The following PLCXD3 variants were observed in gnomAD, a reference collection of about 807,000 sequenced individuals.
PLCXD3 encodes the protein phosphatidylinositol specific phospholipase C X domain containing 3, also known as PI-PLC X domain-containing protein 3.
A neutral mutation model predicts 25.5 loss-of-function variants in PLCXD3; 19 were observed. The ratio of observed to expected loss-of-function variants is 0.75; its 90% CI spans 0.52 to 1.09. The LOEUF (loss-of-function observed/expected upper bound fraction) is 1.09, where lower values mean the gene tolerates loss of function less well. Ranked by LOEUF, PLCXD3 falls within the 50% of genes least tolerant of loss-of-function variation. The probability of loss-of-function intolerance (pLI) is 0.00; values close to 1 mark genes in which losing one functional copy is unlikely to be tolerated. For synonymous variants in PLCXD3, 174 were observed against 137.6 expected (o/e 1.26, Z -1.85); for missense variants, 411 against 388.1 (o/e 1.06, Z -0.50).
intron 1 of PLCXD3, among the ~76,000 whole-genome samples, chr5:41,491,835 C>T (rs952269175): frequency 1.3e-5 from 2 of 152,096 alleles, no homozygotes; most frequent in African/African-American, 2.4e-5. Flanking sequence ...TGTCTCTGCA[C>T]ATGAGATGGG....
Position 41,387,293 on chromosome 5 carries a change from AC to A in PLCXD3, c.104-4760del, listed in dbSNP as rs563927467. On this transcript the variant is annotated intron_variant, in intron 1 of 2. Transcript: ENST00000377801. ...AAAAGAGATCGCAGTCTTGGTCAGCACTCTGATTTCTGATTCTAGCATGATC... is the reference window on the plus strand; with the variant it reads ...AAAAGAGATCGCAGTCTTGGTCAGCATCTGATTTCTGATTCTAGCATGATC... 8.7e-3 allele frequency among the ~76,000 whole-genome samples: 1,322 copies of A among 152,152 alleles called. 6 individuals carry two copies. Among genetic ancestry groups the A allele is most frequent in the Non-Finnish European group, 0.015 (1,013 of 67,990 alleles).
chr5:41,462,800 A>G (rs935059691), intron 1 of PLCXD3, among the ~76,000 whole-genome samples: 1 of 151,932 alleles, frequency 6.6e-6, no homozygotes, highest in Non-Finnish European at 1.5e-5. Flanking sequence ...GAAAAAAAAA[A>G]GAAAAAGAAA....
At chr5:41,430,086 G>A (rs949188152) in intron 1 of PLCXD3, among the ~76,000 whole-genome samples, 10 of 152,128 alleles carry the variant, frequency 6.6e-5, no homozygotes, top group African/African-American at 2.2e-4. Flanking sequence ...TGCTAGATGT[G>A]CAAGCTTGAA....
chr5:41,510,392 G>C (rs780370854), intron 1 of PLCXD3, 32 bp downstream of exon 1: 8 of 1,563,842 alleles, frequency 5.1e-6, no homozygotes, highest in Non-Finnish European at 7.0e-6. Flanking sequence ...AGCGGGCGCC[G>C]AGCGCCTAGC....
At chr5:41,422,957 A>G (rs78198627) in intron 1 of PLCXD3, among the ~76,000 whole-genome samples, 117 of 152,276 alleles carry the variant, frequency 7.7e-4, no homozygotes, top group Non-Finnish European at 1.4e-3. Flanking sequence ...ATACTTTATC[A>G]GCTTAAGGAA....
chr5:41,380,751 C>G (rs1745434034), intron 2 of PLCXD3, among the ~76,000 whole-genome samples: 1 of 152,098 alleles, frequency 6.6e-6, no homozygotes, highest in African/African-American at 2.4e-5. Flanking sequence ...TTCGAAATGT[C>G]AGTGAAAGAT....
chr5:41,382,204 T>C lies in PLCXD3; in HGVS notation c.434A>G (p.Asn145Ser), dbSNP rs768096330. ...HHKEVVFLDF[N>S]HFYGMQKYHH... is the part of the protein sequence containing the mutation. ...ATATTTCTGCATCCCATAAAAGTGG[T>C]TGAAGTCCAAGAACACTACCTCCTT... The change falls in exon 2 of 3, where the codon AAC becomes AGC. Residue 145 changes from asparagine to serine, a missense_variant. Physicochemically the swap from Asn to Ser is conservative, Grantham distance 46. Coordinates refer to ENST00000377801, the MANE Select transcript of PLCXD3 (RefSeq NM_001005473.3). 2 of 1,613,636 alleles carry C rather than the reference T, an allele frequency of 1.2e-6. No homozygotes were observed. Among genetic ancestry groups the C allele is most frequent in the African/African-American group, 2.7e-5 (2 of 74,886 alleles).
intron 1 of PLCXD3, among the ~76,000 whole-genome samples, chr5:41,504,580 T>C (rs1176727790): frequency 6.6e-6 from 1 of 152,220 alleles, no homozygotes; most frequent in Non-Finnish European, 1.5e-5. Context: ...TGACTCTTGT[T>C]AGACATTAAC....
intron 1 of PLCXD3, among the ~76,000 whole-genome samples, chr5:41,464,943 C>T (rs530720813): frequency 6.6e-6 from 1 of 152,026 alleles, no homozygotes; most frequent in African/African-American, 2.4e-5. Flanking sequence ...TCAATAACTA[C>T]TTTATTAAAT....
At chr5:41,414,650 TCAGTTACC>T (rs1209491666) in intron 1 of PLCXD3, among the ~76,000 whole-genome samples, 1 of 152,256 alleles carries the variant, frequency 6.6e-6, no homozygotes, top group African/African-American at 2.4e-5. Flanking sequence ...TTCCGCAATT[TCAGTTACC>T]CATGCTCAAT....
chr5:41,389,895 C>A (rs1745756864), intron 1 of PLCXD3, among the ~76,000 whole-genome samples: 1 of 151,934 alleles, frequency 6.6e-6, no homozygotes, highest in East Asian at 1.9e-4. Flanking sequence ...TTTAAGTATA[C>A]AATTCTGTGA....
At chr5:41,347,857 T>TA (rs145083607) in intron 2 of PLCXD3, among the ~76,000 whole-genome samples, 18,726 of 152,156 alleles carry the variant, frequency 0.12, 1,238 homozygotes, top group Non-Finnish European at 0.13. Flanking sequence ...AACTGGGCAA[T>TA]AAAAAATAAA....
rs1171292976 is a variant in PLCXD3, at chr5:41,310,054, GCAAA to G, written c.*3559_*3562del. On this transcript the variant is annotated 3_prime_UTR_variant, in exon 3 of 3. Coordinates refer to ENST00000377801, the MANE Select transcript of PLCXD3 (RefSeq NM_001005473.3). Reference sequence around the variant, plus strand: ...ATGTGCACATACAGGTGTATACATGGCAAACATTTTATACTCTAATACATTCACT... The same window carrying G: ...ATGTGCACATACAGGTGTATACATGGCATTTTATACTCTAATACATTCACT... The G allele has an allele frequency of 2.0e-5, 3 of 151,960 alleles. No homozygotes were observed. Among genetic ancestry groups the G allele is most frequent in the Non-Finnish European group, 4.4e-5 (3 of 67,936 alleles). The allele number at this position is 151,960 out of a possible 1,614,324, so 9.4% of individuals were successfully genotyped here.
intron 1 of PLCXD3, among the ~76,000 whole-genome samples, chr5:41,429,472 A>G (rs537887839): frequency 6.6e-6 from 1 of 152,274 alleles, no homozygotes; most frequent in East Asian, 1.9e-4. Context: ...ACTTGATCCA[A>G]TTGAGTTGCA....
chr5:41,307,488 C>T lies in PLCXD3; in HGVS notation c.*6129G>A, dbSNP rs1347497322. 1 of 152,152 alleles carries T rather than the reference C, an allele frequency of 6.6e-6. No individual in the cohort carries two copies. The highest frequency in any genetic ancestry group is 1.5e-5 in the Non-Finnish European group (1 of 67,984). The allele number at this position is 152,152 out of a possible 1,614,324, so 9.4% of individuals were successfully genotyped here. ...TCTCACTGTTCTTATTTTAGGGCTT[C>T]TTGGGTTTTCAATTCCAAAAAAAAA... On this transcript the variant is annotated 3_prime_UTR_variant, in exon 3 of 3. Transcript: ENST00000377801.
At chr5:41,396,879 T>C (rs1746023808) in intron 1 of PLCXD3, among the ~76,000 whole-genome samples, 1 of 152,192 alleles carries the variant, frequency 6.6e-6, no homozygotes, top group African/African-American at 2.4e-5. Context: ...AGAAAGACGA[T>C]TTAAAATATC....
chr5:41,502,108 A>T (rs1253349331), intron 1 of PLCXD3, among the ~76,000 whole-genome samples: 5 of 152,100 alleles, frequency 3.3e-5, no homozygotes, highest in African/African-American at 4.8e-5. Context: ...GAGAGAGTGG[A>T]TAAATTCAAA....
At chr5:41,428,098 T>C (rs1312013470) in intron 1 of PLCXD3, among the ~76,000 whole-genome samples, 1 of 152,134 alleles carries the variant, frequency 6.6e-6, no homozygotes, top group African/African-American at 2.4e-5. Context: ...CATTAAAACC[T>C]AAACTTTGTC....
chr5:41,425,486 A>G (rs558305976), intron 1 of PLCXD3, among the ~76,000 whole-genome samples: 7 of 152,216 alleles, frequency 4.6e-5, no homozygotes, highest in Admixed American at 3.3e-4. Context: ...CCTTATTATC[A>G]CCCAAAGTCC....
Sources: allele counts gnomAD v4.1 joint callset (sites outside exome capture counted in the v4.1 genomes callset), GRCh38; gene constraint gnomAD v4.1.1; transcripts MANE v1.5; gene names NCBI Gene and HGNC (gene_info 2026-07-23, HGNC 2026-07-21).